The following CCDC7 variants were observed in gnomAD, a reference collection of about 807,000 sequenced individuals.
CCDC7 encodes the protein coiled-coil domain containing 7.
In CCDC7, 183 loss-of-function variants were observed where a neutral mutation model predicts 196.9. The observed-to-expected ratio is 0.93, with a 90% CI of 0.82 to 1.05. The LOEUF (loss-of-function observed/expected upper bound fraction) is 1.05, where lower values mean the gene tolerates loss of function less well. Among genes scored for constraint, CCDC7 ranks in the 50% least tolerant of loss-of-function variants. The pLI is 0.00. For synonymous variants in CCDC7, 525 were observed against 484.6 expected (o/e 1.08, Z -1.10); for missense variants, 1,540 against 1,482.2 (o/e 1.04, Z -0.64).
At chr10:32,597,054 G>A (rs927591054) in intron 18 of CCDC7, among the ~76,000 whole-genome samples, 5 of 152,094 alleles carry the variant, frequency 3.3e-5, no homozygotes, top group South Asian at 2.1e-4. Context: ...TGTATTTCCC[G>A]AATTTGAATG....
intron 24 of CCDC7, among the ~76,000 whole-genome samples, chr10:32,697,319 G>C (rs2077875927): frequency 6.6e-6 from 1 of 152,168 alleles, no homozygotes; most frequent in Admixed American, 6.5e-5. Context: ...TCATCTCACT[G>C]GGACTGGTTG....
At chr10:32,596,814 G>T (rs150041027) in intron 18 of CCDC7, among the ~76,000 whole-genome samples, 7,838 of 152,140 alleles carry the variant, frequency 0.052, 666 homozygotes, top group African/African-American at 0.18. Flanking sequence ...TGAAATTCTG[G>T]GTTGAAAATT....
At chr10:32,726,595 G>T in intron 25 of CCDC7, 139 bp from the exon 27 acceptor site, 1 of 479,256 alleles carries the variant, frequency 2.1e-6, no homozygotes, top group Non-Finnish European at 3.7e-6. Context: ...AAATTATGGT[G>T]ATTTACTTAT....
chr10:32,621,568 C>T (rs2063416980), intron 18 of CCDC7, among the ~76,000 whole-genome samples: 1 of 152,142 alleles, frequency 6.6e-6, no homozygotes. Flanking sequence ...GATATGCCAT[C>T]TGGGAAAGGC....
chr10:32,497,329 T>G (rs2043071711), intron 9 of CCDC7, among the ~76,000 whole-genome samples: 1 of 152,208 alleles, frequency 6.6e-6, no homozygotes, highest in Non-Finnish European at 1.5e-5. Context: ...TTGTTGATCT[T>G]TTCAAAAAAC....
At chr10:32,500,249 A>G (rs112023840) in intron 9 of CCDC7, among the ~76,000 whole-genome samples, 20,139 of 148,996 alleles carry the variant, frequency 0.14, 1,534 homozygotes, top group African/African-American at 0.23. Flanking sequence ...GACCTCCTGG[A>G]CGGGGCGGCT....
At chr10:32,851,864 G>A (rs147088840) in exon 40 of CCDC7, 62 of 1,612,476 alleles carry the variant, frequency 3.8e-5, no homozygotes, top group Non-Finnish European at 4.9e-5. Flanking sequence ...GCAATTTATA[G>A]AACATATAGG....
intron 20 of CCDC7, among the ~76,000 whole-genome samples, chr10:32,646,702 A>T (rs1158993244): frequency 6.6e-6 from 1 of 152,214 alleles, no homozygotes; most frequent in East Asian, 1.9e-4. Context: ...TAGTAAGCAT[A>T]GTACTACATA....
chr10:32,640,625 C>A (rs938053765), intron 20 of CCDC7, among the ~76,000 whole-genome samples: 2 of 151,978 alleles, frequency 1.3e-5, no homozygotes, highest in Non-Finnish European at 2.9e-5. Flanking sequence ...ACAATTTGGC[C>A]TGTTTTTGCA....
At chr10:32,789,090 A>G (rs1316317646) in intron 29 of CCDC7, among the ~76,000 whole-genome samples, 2 of 146,622 alleles carry the variant, frequency 1.4e-5, no homozygotes, top group Non-Finnish European at 3.0e-5. Context: ...GCTGAACGGT[A>G]AAGGGCTTTT....
chr10:32,729,685 G>C (rs2083628394), intron 28 of CCDC7, among the ~76,000 whole-genome samples: 1 of 151,960 alleles, frequency 6.6e-6, no homozygotes, highest in African/African-American at 2.4e-5. Context: ...GTCAGGTTTT[G>C]CTTTATATCT....
At chr10:32,571,793 TA>T in intron 15 of CCDC7, 65 bp from the exon 17 acceptor site, 1 of 1,365,814 alleles carries the variant, frequency 7.3e-7, no homozygotes, top group Non-Finnish European at 9.6e-7. Flanking sequence ...GATATTTTTC[TA>T]AATGACTGTA....
At chr10:32,563,879 G>T (rs1204329625) in intron 13 of CCDC7, among the ~76,000 whole-genome samples, 2 of 151,798 alleles carry the variant, frequency 1.3e-5, no homozygotes, top group African/African-American at 4.8e-5. Flanking sequence ...CAAAATGGGA[G>T]AAAATTTTCG....
intron 8 of CCDC7, among the ~76,000 whole-genome samples, chr10:32,485,044 TA>T (rs1466816031): frequency 2.0e-5 from 3 of 152,248 alleles, no homozygotes; most frequent in African/African-American, 7.2e-5. Context: ...CGTCTTTTTC[TA>T]TTGATTGGAA....
At chr10:32,640,790 A>AT (rs2066603439) in intron 20 of CCDC7, among the ~76,000 whole-genome samples, 1 of 151,728 alleles carries the variant, frequency 6.6e-6, no homozygotes. Flanking sequence ...CTGGATATGA[A>AT]ATTCTGGGTT....
intron 30 of CCDC7, among the ~76,000 whole-genome samples, chr10:32,807,711 C>A (rs1196779842): frequency 6.6e-6 from 1 of 151,804 alleles, no homozygotes; most frequent in East Asian, 2.0e-4. Flanking sequence ...GAGAGCCACC[C>A]TTACAGGCCC....
exon 18 of CCDC7, chr10:32,584,249 A>T (rs1564733550): frequency 1.9e-6 from 3 of 1,589,626 alleles, no homozygotes; most frequent in Non-Finnish European, 1.7e-6. Context: ...TTTCAGAAGA[A>T]CAATTACAAA....
At chr10:32,639,517 G>A (rs1269221935) in intron 20 of CCDC7, among the ~76,000 whole-genome samples, 1 of 152,056 alleles carries the variant, frequency 6.6e-6, no homozygotes, top group African/African-American at 2.4e-5. Flanking sequence ...TCATTCAGGA[G>A]CAGGTTGTTC....
At chr10:32,456,470 A>T in intron 3 of CCDC7, 136 bp downstream of exon 4, 1 of 605,156 alleles carries the variant, frequency 1.7e-6, no homozygotes, top group Non-Finnish European at 2.4e-6. Flanking sequence ...ATTGGAAAAC[A>T]TTATTTATTT....
Sources: allele counts gnomAD v4.1 joint callset (sites outside exome capture counted in the v4.1 genomes callset), GRCh38; gene constraint gnomAD v4.1.1; transcripts MANE v1.5; gene names NCBI Gene and HGNC (gene_info 2026-07-23, HGNC 2026-07-21).